Variants in TJP1 observed in about 807,000 individuals in gnomAD.
The protein encoded by TJP1 is tight junction protein ZO-1.
In TJP1, 43 loss-of-function variants were observed where a neutral mutation model predicts 194.2. The observed-to-expected ratio is 0.22, with a 90% CI of 0.17 to 0.29. The LOEUF (loss-of-function observed/expected upper bound fraction) is 0.29, where lower values mean the gene tolerates loss of function less well. Among genes scored for constraint, TJP1 ranks in the 10% least tolerant of loss-of-function variants. The pLI is 1.00. For synonymous variants in TJP1, 801 were observed against 779.0 expected (o/e 1.03, Z -0.47); for missense variants, 1,971 against 2,185.7 (o/e 0.90, Z 1.96).
In TJP1 at chr15:29,718,663, T is replaced by G; in HGVS notation, c.3479A>C (p.Gln1160Pro). The change falls in exon 21 of 28, where the codon CAG becomes CCG. Residue 1160 changes from glutamine to proline, a missense_variant. Physicochemically the swap from Gln to Pro is moderately conservative, Grantham distance 76. Coordinates refer to ENST00000614355, the MANE Select transcript of TJP1 (RefSeq NM_001330239.4). The stretch of plus-strand genomic sequence containing the variant: ...ATGTGTGTCATACCCAGGAGCTGGC[T>G]GCTCTTCGTGCCGCAGGGCGGATGC... ...PRASALRHEE[Q>P]PAPGYDTHGR... 1 of 1,614,176 alleles carries G rather than the reference T, an allele frequency of 6.2e-7. No individual in the cohort carries two copies. Among genetic ancestry groups the G allele is most frequent in the Non-Finnish European group, 8.5e-7 (1 of 1,180,024 alleles).
rs1034994420 is a variant in TJP1, at chr15:29,821,877, G to A, written c.27+125C>T. The A allele has an allele frequency of 2.9e-5, 27 of 944,172 alleles. No individual in the cohort carries two copies. In the African/African-American group the frequency reaches 4.5e-4, roughly 16 times the overall value. The allele number at this position is 944,172 out of a possible 1,614,324, so 58.5% of individuals were successfully genotyped here. A position where few individuals can be genotyped will look rare whatever the true frequency, so the allele number is the denominator to read the frequency against. ...CGGCCCGCGGCCCCGCGCCAGCCCT[G>A]CCCACCCCGCCGCCCCGGGGCCCAG... On this transcript the variant is annotated intron_variant, in intron 1 of 27. Coordinates refer to ENST00000614355, the MANE Select transcript of TJP1 (RefSeq NM_001330239.4).
At chr15:29,917,356 A>G (rs1409022593) in intron 2 of TJP1, among the ~76,000 whole-genome samples, 1 of 152,224 alleles carries the variant, frequency 6.6e-6, no homozygotes, top group African/African-American at 2.4e-5. Flanking sequence ...CTACTATTAA[A>G]AATACCTAAG....
chr15:29,800,737 T>TA lies in TJP1; in HGVS notation c.28-36_28-35insT, dbSNP rs760866939. On this transcript the variant is annotated intron_variant, in intron 1 of 27. Transcript: ENST00000614355. ...GAAAAGAAAAACAAATCATTTACCT[T>TA]TTAAGAAAATGTCCTTAATAAGGTG... is the stretch of plus-strand genomic sequence containing the variant. 3 of 1,604,770 alleles carry TA rather than the reference T, an allele frequency of 1.9e-6. No homozygotes were observed. The East Asian group carries it at 6.7e-5, about 36-fold the overall frequency.
chr15:29,719,825 C>T lies in TJP1; in HGVS notation c.2955G>A (p.Met985Ile), dbSNP rs1318903621. The change falls in exon 20 of 28, where the codon ATG becomes ATA. Residue 985 changes from methionine to isoleucine, a missense_variant. Coordinates refer to ENST00000614355, the MANE Select transcript of TJP1 (RefSeq NM_001330239.4). ...RTPSTEAAHI[M>I]LRDQEPSLSS... ...ACAATGATGGTTCTTGATCTCTTAG[C>T]ATTATGTGAGCTGCCTCAGTACTTG... 1 of 1,614,140 alleles carries T rather than the reference C, an allele frequency of 6.2e-7. No homozygotes were observed. Among genetic ancestry groups the T allele is most frequent in the Admixed American group, 1.7e-5 (1 of 59,998 alleles).
At chr15:29,881,938 T>C (rs1357404707) in intron 2 of TJP1, among the ~76,000 whole-genome samples, 2 of 150,486 alleles carry the variant, frequency 1.3e-5, no homozygotes, top group African/African-American at 2.5e-5. Flanking sequence ...TATAAAGATA[T>C]ATATATAGAT....
intron 2 of TJP1, among the ~76,000 whole-genome samples, chr15:29,788,107 T>C (rs769947348): frequency 6.6e-6 from 1 of 152,222 alleles, no homozygotes; most frequent in African/African-American, 2.4e-5. Context: ...CATTCATACA[T>C]CTTCTTTGAG....
intron 9 of TJP1, 142 bp from the exon 10 acceptor site, chr15:29,741,578 T>C (rs1002148703): frequency 1.2e-5 from 7 of 595,492 alleles, no homozygotes; most frequent in Non-Finnish European, 2.1e-5. Flanking sequence ...CATTTTATAG[T>C]AATAAATTCT....
chr15:29,934,562 T>C (rs951591870), intron 2 of TJP1, among the ~76,000 whole-genome samples: 5 of 152,172 alleles, frequency 3.3e-5, no homozygotes, highest in African/African-American at 1.2e-4. Flanking sequence ...TGACGCCAAG[T>C]TAAAACACTA....
In TJP1 at chr15:29,718,769, C is replaced by G; in HGVS notation, c.3373G>C (p.Glu1125Gln). ...DSRQHPEESS[E>Q]RGYFPRFEEP... ...TCAAAACGTGGAAAGTACCCTCGTT[C>G]TGAGGACTCTTCGGGATGCTGTCTG... is the stretch of plus-strand genomic sequence containing the variant. Residue 1125 changes from glutamate to glutamine, a missense_variant, in exon 21 of 28, where the codon GAA becomes CAA. Physicochemically the swap from Glu to Gln is conservative, Grantham distance 29. Coordinates refer to ENST00000614355, the MANE Select transcript of TJP1 (RefSeq NM_001330239.4). The G allele has an allele frequency of 6.2e-7, 1 of 1,614,156 alleles. No individual in the cohort carries two copies. Among genetic ancestry groups the G allele is most frequent in the Non-Finnish European group, 8.5e-7 (1 of 1,180,016 alleles).
intron 2 of TJP1, among the ~76,000 whole-genome samples, chr15:29,830,574 A>C (rs574266381): frequency 2.3e-4 from 35 of 151,590 alleles, no homozygotes; most frequent in Middle Eastern, 6.9e-3. Flanking sequence ...AATGTGTGTT[A>C]ATGTTGTTAG....
intron 10 of TJP1, among the ~76,000 whole-genome samples, chr15:29,738,795 G>C (rs1453025976): frequency 6.8e-6 from 1 of 146,266 alleles, no homozygotes; most frequent in Non-Finnish European, 1.5e-5. Flanking sequence ...GGGAGACTGA[G>C]GCAGGAGGAC....
chr15:29,797,983 C>T (rs2048524891), intron 2 of TJP1, among the ~76,000 whole-genome samples: 2 of 152,074 alleles, frequency 1.3e-5, no homozygotes, highest in Admixed American at 1.3e-4. Context: ...CGCTAGATAC[C>T]CACTGAATGG....
At chr15:29,928,076 C>A (rs1405778320) in intron 2 of TJP1, among the ~76,000 whole-genome samples, 1 of 150,758 alleles carries the variant, frequency 6.6e-6, no homozygotes, top group African/African-American at 2.4e-5. Context: ...ATAACTCAAT[C>A]AAAAATAACC....
chr15:29,846,228 CTCCTGCAGA>C (rs2051403522), intron 2 of TJP1, among the ~76,000 whole-genome samples: 1 of 152,178 alleles, frequency 6.6e-6, no homozygotes, highest in South Asian at 2.1e-4. Context: ...TGGCCTACAG[CTCCTGCAGA>C]TCAGACCTTC....
intron 2 of TJP1, among the ~76,000 whole-genome samples, chr15:29,947,507 A>T (rs2055324926): frequency 6.6e-6 from 1 of 152,204 alleles, no homozygotes. Flanking sequence ...CTGGCGGAGC[A>T]GACCCTGCTA....
chr15:29,773,418 C>A, intron 2 of TJP1, 61 bp from the exon 3 acceptor site: 2 of 1,538,936 alleles, frequency 1.3e-6, no homozygotes, highest in Non-Finnish European at 1.8e-6. Context: ...TTATATCATA[C>A]TCTACAATCT....
intron 2 of TJP1, among the ~76,000 whole-genome samples, chr15:29,833,871 A>ATTTTTTT (rs1567116902): frequency 3.8e-4 from 7 of 18,362 alleles, no homozygotes; most frequent in Admixed American, 2.0e-3. Flanking sequence ...ATATATATAT[A>ATTTTTTT]TATATATATA....
chr15:29,848,384 G>A (rs1455456790), intron 2 of TJP1, among the ~76,000 whole-genome samples: 1 of 152,008 alleles, frequency 6.6e-6, no homozygotes, highest in African/African-American at 2.4e-5. Flanking sequence ...CATTTTTGAG[G>A]CTATGGTGTT....
intron 2 of TJP1, among the ~76,000 whole-genome samples, chr15:29,903,098 G>C (rs1203390487): frequency 6.6e-6 from 1 of 152,022 alleles, no homozygotes; most frequent in African/African-American, 2.4e-5. Context: ...CTAGAAGGGG[G>C]CCCTTGCCAG....
Sources: gnomAD v4.1 joint callset for allele counts (sites outside exome capture counted in the v4.1 genomes callset) on GRCh38, gnomAD v4.1.1 for gene constraint, MANE v1.5 for transcripts, NCBI Gene and HGNC (gene_info 2026-07-23, HGNC 2026-07-21) for gene names.